Variants in TMEM41B observed in about 807,000 individuals in gnomAD.
The protein encoded by TMEM41B is transmembrane protein 41B, also known as protein stasimon.
A neutral mutation model predicts 31.9 loss-of-function variants in TMEM41B; 18 were observed. The observed-to-expected ratio is 0.56, with a 90% confidence interval of 0.39 to 0.84. The LOEUF (loss-of-function observed/expected upper bound fraction) is 0.84, where lower values mean the gene tolerates loss of function less well. Ranked by LOEUF, TMEM41B falls within the 40% of genes least tolerant of loss-of-function variation. The pLI, the probability that TMEM41B is intolerant of heterozygous loss-of-function variation, is 0.00. For synonymous variants in TMEM41B, 144 were observed against 124.3 expected (o/e 1.16, Z -1.05); for missense variants, 322 against 348.0 (o/e 0.93, Z 0.59).
intron 1 of TMEM41B, among the ~76,000 whole-genome samples, chr11:9,310,984 A>C (rs1052817710): frequency 3.3e-5 from 5 of 152,210 alleles, no homozygotes; most frequent in African/African-American, 9.7e-5. Flanking sequence ...GTAAAAAATC[A>C]CATTTTACAG....
intron 1 of TMEM41B, among the ~76,000 whole-genome samples, chr11:9,306,441 G>A (rs544273870): frequency 4.6e-5 from 7 of 152,142 alleles, no homozygotes; most frequent in African/African-American, 1.4e-4. Flanking sequence ...CCAGCACTTT[G>A]GGAGGTCGAG....
At chr11:9,299,017 A>C (rs1853170870) in intron 2 of TMEM41B, among the ~76,000 whole-genome samples, 1 of 152,016 alleles carries the variant, frequency 6.6e-6, no homozygotes, top group Non-Finnish European at 1.5e-5. Flanking sequence ...ACAGTGGCTC[A>C]AGCCTATAAT....
At chr11:9,288,013 G>T in intron 4 of TMEM41B, 1 of 548,448 alleles carries the variant, frequency 1.8e-6, no homozygotes, top group East Asian at 3.3e-5. Flanking sequence ...ACTGGCACTT[G>T]TGATTACACC....
chr11:9,291,966 A>G (rs530969359), intron 3 of TMEM41B, among the ~76,000 whole-genome samples: 5 of 152,114 alleles, frequency 3.3e-5, no homozygotes, highest in Non-Finnish European at 7.4e-5. Context: ...TCGGCCTCCC[A>G]AAGTACTGGA....
In TMEM41B at chr11:9,283,317, C is replaced by T. The variant is rs1474293845; in HGVS notation, c.*107G>A. 3.4e-6 allele frequency: 3 copies of T among 871,094 alleles called. No homozygotes were observed. Among genetic ancestry groups the T allele is most frequent in the Non-Finnish European group, 5.1e-6 (3 of 591,454 alleles). 54.0% of individuals were successfully genotyped at this position (871,094 alleles called of 1,614,324 possible). ...CTATCTGATAGGAAATTTTATTTTACAAATTCCTTGTTTAATTACTGAAGA... is the reference window on the plus strand; with the variant it reads ...CTATCTGATAGGAAATTTTATTTTATAAATTCCTTGTTTAATTACTGAAGA... On this transcript the variant is annotated 3_prime_UTR_variant, in exon 7 of 7. Coordinates refer to ENST00000528080, the MANE Select transcript of TMEM41B (RefSeq NM_015012.4).
intron 3 of TMEM41B, 64 bp from the exon 4 acceptor site, chr11:9,288,599 ATTTCAGG>A: frequency 8.3e-7 from 1 of 1,200,762 alleles, no homozygotes; most frequent in South Asian, 1.5e-5. Context: ...CAAATGTAAC[ATTTCAGG>A]AAAAAAGTAT....
intron 5 of TMEM41B, among the ~76,000 whole-genome samples, chr11:9,287,449 G>A (rs1852861164): frequency 6.6e-6 from 1 of 152,156 alleles, no homozygotes; most frequent in Admixed American, 6.6e-5. Context: ...TGACTTCTCT[G>A]CTGATTAAAT....
Position 9,295,401 on chromosome 11 carries a change from G to C in TMEM41B, c.240-14C>G. On this transcript the variant is annotated splice_polypyrimidine_tract_variant and intron_variant, in intron 2 of 6. Coordinates refer to ENST00000528080, the MANE Select transcript of TMEM41B (RefSeq NM_015012.4). ...ACTCTTTCTTCTCTGAAGAAATAAAGTGAAAAATTTTAGAACAGAATTTTG... is the reference window on the plus strand; with the variant it reads ...ACTCTTTCTTCTCTGAAGAAATAAACTGAAAAATTTTAGAACAGAATTTTG... 6.6e-7 allele frequency: 1 copy of C among 1,509,530 alleles called. No homozygotes were observed. Among genetic ancestry groups the C allele is most frequent in the Non-Finnish European group, 9.0e-7 (1 of 1,114,602 alleles). 93.5% of individuals were successfully genotyped at this position (1,509,530 alleles called of 1,614,324 possible). A position where few individuals can be genotyped will look rare whatever the true frequency, so the allele number is the denominator to read the frequency against.
At chr11:9,299,219 T>C (rs961376234) in intron 2 of TMEM41B, among the ~76,000 whole-genome samples, 1 of 136,688 alleles carries the variant, frequency 7.3e-6, no homozygotes, top group African/African-American at 2.9e-5. Context: ...AAGCAGGGCT[T>C]ATACAGTGAG....
intron 5 of TMEM41B, among the ~76,000 whole-genome samples, chr11:9,286,865 T>C (rs189368630): frequency 9.2e-4 from 140 of 151,758 alleles, no homozygotes; most frequent in Non-Finnish European, 1.6e-3. Flanking sequence ...CCGGGCATGG[T>C]GGCATGTGCC....
At chr11:9,300,982 C>T (rs890357031) in intron 1 of TMEM41B, among the ~76,000 whole-genome samples, 1 of 151,972 alleles carries the variant, frequency 6.6e-6, no homozygotes, top group African/African-American at 2.4e-5. Flanking sequence ...GTCAATAGCG[C>T]GAAGGCCAGG....
intron 1 of TMEM41B, among the ~76,000 whole-genome samples, chr11:9,300,983 G>A (rs1008830845): frequency 8.5e-5 from 13 of 152,132 alleles, no homozygotes; most frequent in African/African-American, 1.4e-4. Context: ...TCAATAGCGC[G>A]AAGGCCAGGA....
Position 9,283,363 on chromosome 11 carries a change from G to T in TMEM41B, c.*61C>A. ...GAAGAGGTGATTTTAAAACATAAAT[G>T]GATGCACCTGTTAATCCTGAGATGG... On this transcript the variant is annotated 3_prime_UTR_variant, in exon 7 of 7. Transcript: ENST00000528080. 1 of 1,314,540 alleles carries T rather than the reference G, an allele frequency of 7.6e-7. No homozygotes were observed. Among genetic ancestry groups the T allele is most frequent in the Non-Finnish European group, 1.1e-6 (1 of 951,146 alleles). 81.4% of individuals were successfully genotyped at this position (1,314,540 alleles called of 1,614,324 possible). A position where few individuals can be genotyped will look rare whatever the true frequency, so the allele number is the denominator to read the frequency against.
rs1853052611 is a variant in TMEM41B at position 9,295,143 on chromosome 11, T to C, written c.368+116A>G. The stretch of plus-strand genomic sequence containing the variant: ...TTTTAATTTTTCAATTATTTAATAT[T>C]GTCACACTGCAATAACAAATTTTAA... On this transcript the variant is annotated intron_variant, in intron 3 of 6. Coordinates refer to ENST00000528080, the MANE Select transcript of TMEM41B (RefSeq NM_015012.4). The C allele has an allele frequency of 4.4e-6, 5 of 1,136,114 alleles. No homozygotes were observed. In the South Asian group the frequency reaches 1.3e-4, roughly 31 times the overall value. 70.4% of individuals were successfully genotyped at this position (1,136,114 alleles called of 1,614,324 possible). A position where few individuals can be genotyped will look rare whatever the true frequency, so the allele number is the denominator to read the frequency against.
At position 9,283,146 on chromosome 11, in the gene TMEM41B, CACT is replaced by C. The variant is rs897765570; in HGVS notation, c.*275_*277del. ...TAGCTGGATCAACAATTTCCTACCA[CACT>C]ACTATTATCTACAGCTACCCTTGGT... On this transcript the variant is annotated 3_prime_UTR_variant, in exon 7 of 7. Transcript: ENST00000528080. 2.4e-4 allele frequency: 52 copies of C among 216,364 alleles called. No individual in the cohort carries two copies. Among genetic ancestry groups the C allele is most frequent in the African/African-American group, 9.8e-4 (43 of 43,950 alleles). 13.4% of individuals were successfully genotyped at this position (216,364 alleles called of 1,614,324 possible). A position where few individuals can be genotyped will look rare whatever the true frequency, so the allele number is the denominator to read the frequency against.
Position 9,306,730 on chromosome 11 carries a change from G to A in TMEM41B, c.122-7029C>T, listed in dbSNP as rs1022508911. ...GAATCACGCTCTTGGCCTACAAGACGTTCAACATGTTTTTCTAACTTCAGT... is the reference window on the plus strand; with the variant it reads ...GAATCACGCTCTTGGCCTACAAGACATTCAACATGTTTTTCTAACTTCAGT... On this transcript the variant is annotated intron_variant, in intron 1 of 6. Coordinates refer to ENST00000528080, the MANE Select transcript of TMEM41B (RefSeq NM_015012.4). 4.6e-5 allele frequency among the ~76,000 whole-genome samples: 7 copies of A among 151,822 alleles called. 1 individual carries two copies. Among genetic ancestry groups the A allele is most frequent in the Non-Finnish European group, 7.4e-5 (5 of 67,976 alleles).
intron 6 of TMEM41B, among the ~76,000 whole-genome samples, chr11:9,284,977 A>C (rs1354617286): frequency 6.6e-6 from 1 of 152,158 alleles, no homozygotes; most frequent in Non-Finnish European, 1.5e-5. Flanking sequence ...ATAGAAACAA[A>C]AATTCTCTCT....
chr11:9,283,403 C>G lies in TMEM41B; in HGVS notation c.*21G>C. On this transcript the variant is annotated 3_prime_UTR_variant, in exon 7 of 7. Transcript: ENST00000528080. ...TCCTGAGATGGTGATGACAGCAAAA[C>G]TAAAAATCAGATGATTATTTTTACT... 2 of 1,591,390 alleles carry G rather than the reference C, an allele frequency of 1.3e-6. No individual in the cohort carries two copies. The highest frequency in any genetic ancestry group is 1.7e-6 in the Non-Finnish European group (2 of 1,168,000).
rs745526999 is a variant in TMEM41B, at chr11:9,314,478, G to A, written c.-37C>T. On this transcript the variant is annotated 5_prime_UTR_variant, in exon 1 of 7. Transcript: ENST00000528080. The stretch of plus-strand genomic sequence containing the variant: ...GGTGAAGGGAGCGGTGCGGTGCCGC[G>A]CCCCCTAAACAACAAAACTCTGTTG... 15 of 1,532,920 alleles carry A rather than the reference G, an allele frequency of 9.8e-6. No individual in the cohort carries two copies. Among genetic ancestry groups the A allele is most frequent in the Non-Finnish European group, 1.2e-5 (14 of 1,137,046 alleles). The allele number at this position is 1,532,920 out of a possible 1,614,324, so 95.0% of individuals were successfully genotyped here.
Sources: gnomAD v4.1 joint callset for allele counts (sites outside exome capture counted in the v4.1 genomes callset) on GRCh38, gnomAD v4.1.1 for gene constraint, MANE v1.5 for transcripts, NCBI Gene and HGNC (gene_info 2026-07-23, HGNC 2026-07-21) for gene names.